Variants in SEPTIN4 observed in about 807,000 individuals in gnomAD.
SEPTIN4 encodes the protein septin-4.
Under a neutral mutation model 107.1 loss-of-function variants are expected in SEPTIN4, and 52 were observed. The ratio of observed to expected loss-of-function variants is 0.49; its 90% CI spans 0.39 to 0.61. SEPTIN4 has a LOEUF of 0.61. Among genes scored for constraint, SEPTIN4 ranks in the 20% least tolerant of loss-of-function variants. The pLI, the probability that SEPTIN4 is intolerant of heterozygous loss-of-function variation, is 0.00. For synonymous variants in SEPTIN4, 417 were observed against 467.0 expected (o/e 0.89, Z 1.38); for missense variants, 1,048 against 1,243.5 (o/e 0.84, Z 2.36).
At chr17:58,526,119 T>C in intron 5 of SEPTIN4, 101 bp downstream of exon 5, 1 of 1,197,034 alleles carries the variant, frequency 8.4e-7, no homozygotes, top group Middle Eastern at 3.8e-4. Context: ...AGCCACTCGC[T>C]GCTTGCTCCC....
At position 58,520,257 on chromosome 17, in the gene SEPTIN4, C is replaced by T. The variant is rs944696922; in HGVS notation, c.*169G>A. ...AAAATACACACAGGGACACCAGAAG[C>T]CACCTACAGATTTATTAAACTTTAT... is the stretch of plus-strand genomic sequence containing the variant. On this transcript the variant is annotated 3_prime_UTR_variant, in exon 14 of 14. Coordinates refer to ENST00000672673, the MANE Select transcript of SEPTIN4 (RefSeq NM_001368771.2). 6 of 621,374 alleles carry T rather than the reference C, an allele frequency of 9.7e-6. No individual in the cohort carries two copies. The highest frequency in any genetic ancestry group is 1.7e-5 in the Non-Finnish European group (6 of 348,840). 38.5% of individuals were successfully genotyped at this position (621,374 alleles called of 1,614,324 possible).
In SEPTIN4 at chr17:58,542,850, T is replaced by G. The variant is rs963607127; in HGVS notation, c.1337A>C (p.Asp446Ala). 1 of 1,614,010 alleles carries G rather than the reference T, an allele frequency of 6.2e-7. No homozygotes were observed. Among genetic ancestry groups the G allele is most frequent in the African/African-American group, 1.3e-5 (1 of 74,896 alleles). Residue 446 changes from aspartate (D) to alanine (A), a missense_variant, in exon 1 of 14, where the codon GAT becomes GCT. Around this residue, in one of 2 missense-constraint regions of SEPTIN4, gnomAD observed 787 missense variants for 871.8 expected, o/e 0.90. Coordinates refer to ENST00000672673, the MANE Select transcript of SEPTIN4 (RefSeq NM_001368771.2). ...GGAAGGAGAGCACTTAGGCTCAAAA[T>G]CCGGTGTTGTCAGCTGGCTTTGGGG... The part of the protein sequence containing the change: ...ETPQSQLTTP[D>A]FEPKCSPSLD...
At chr17:58,533,606 C>T (rs1274567517) in intron 3 of SEPTIN4, among the ~76,000 whole-genome samples, 2 of 151,990 alleles carry the variant, frequency 1.3e-5, no homozygotes, top group Non-Finnish European at 2.9e-5. Context: ...AGCTTGGGTT[C>T]CCTGAAAGGG....
In SEPTIN4 at chr17:58,526,867, T is replaced by C; in HGVS notation, c.1726A>G (p.Arg576Gly). 1.2e-6 allele frequency: 2 copies of C among 1,613,812 alleles called. No individual in the cohort carries two copies. Among genetic ancestry groups the C allele is most frequent in the South Asian group, 2.2e-5 (2 of 91,042 alleles). The change falls in exon 4 of 14, where the codon AGG becomes GGG. Residue 576 changes from arginine (R) to glycine (G), a missense_variant. Coordinates refer to ENST00000672673, the MANE Select transcript of SEPTIN4 (RefSeq NM_001368771.2). Reference sequence around the variant, plus strand: ...GGCCTTGGCTCCGGGACTTGGGGCCTGGATGCCCAGGTCTTAGCCTCTGGT... The same window carrying C: ...GGCCTTGGCTCCGGGACTTGGGGCCCGGATGCCCAGGTCTTAGCCTCTGGT... ...HPPEAKTWAS[R>G]PQVPEPRPQA...
chr17:58,538,224 T>C lies in SEPTIN4; in HGVS notation c.1614+2442A>G, dbSNP rs533044810. On this transcript the variant is annotated intron_variant, in intron 3 of 13. Transcript: ENST00000672673. The surrounding 1 kb of genome is among the most constrained non-coding windows in gnomAD (Gnocchi z 4.7). ...GTAAAGGAAGCCAACCTGAGCAAAA[T>C]GTCCCTGTGATTCAAAAGCCAACAG... Among the ~76,000 whole-genome samples the C allele has an allele frequency of 3.5e-4, 54 of 152,288 alleles. No homozygotes were observed. Among genetic ancestry groups the C allele is most frequent in the Admixed American group, 1.1e-3 (17 of 15,290 alleles).
chr17:58,525,571 C>A, intron 6 of SEPTIN4, 124 bp downstream of exon 6: 2 of 830,628 alleles, frequency 2.4e-6, no homozygotes, highest in South Asian at 1.6e-5. Context: ...CTATGGAGAG[C>A]TGCTGTCAGT....
intron 3 of SEPTIN4, chr17:58,531,960 C>T: frequency 8.7e-7 from 1 of 1,149,048 alleles, no homozygotes; most frequent in Non-Finnish European, 1.1e-6. Flanking sequence ...GCCTGCCTTA[C>T]CATGGCTGCA....
chr17:58,525,280 T>G (rs1250995210), intron 6 of SEPTIN4, 79 bp from the exon 7 acceptor site: 1 of 1,568,530 alleles, frequency 6.4e-7, no homozygotes, highest in Non-Finnish European at 8.6e-7. Context: ...CCAACCAGCC[T>G]TGTTGCTCAG....
intron 7 of SEPTIN4, among the ~76,000 whole-genome samples, chr17:58,523,861 T>C (rs1307307294): frequency 6.6e-6 from 1 of 152,128 alleles, no homozygotes; most frequent in Non-Finnish European, 1.5e-5. Context: ...ATGCATCATG[T>C]TGGGTGATGT....
Position 58,542,895 on chromosome 17 carries a change from A to T in SEPTIN4, c.1292T>A (p.Leu431Gln), listed in dbSNP as rs561112616. Residue 431 changes from leucine (L) to glutamine (Q), a missense_variant, in exon 1 of 14, where the codon CTG becomes CAG. Around this residue, in one of 2 missense-constraint regions of SEPTIN4, gnomAD observed 787 missense variants for 871.8 expected, o/e 0.90. Transcript: ENST00000672673. ...TTGGGGTGTTTCAACTTCAGGATTC[A>T]GCAAGGGCCACCATGAGGAGTCAGG... is the stretch of plus-strand genomic sequence containing the variant. ...YGPDSSWWPL[L>Q]NPEVETPQSQ... 3 of 1,614,204 alleles carry T rather than the reference A, an allele frequency of 1.9e-6. No homozygotes were observed. The South Asian group carries it at 3.3e-5, about 18-fold the overall frequency.
At chr17:58,536,614 G>T (rs2043721045) in intron 3 of SEPTIN4, among the ~76,000 whole-genome samples, 1 of 152,126 alleles carries the variant, frequency 6.6e-6, no homozygotes, top group Admixed American at 6.5e-5. Context: ...GCCGGCAGTG[G>T]GTGTGCCAAG....
chr17:58,535,951 C>T (rs961805666), intron 3 of SEPTIN4, among the ~76,000 whole-genome samples: 2 of 152,220 alleles, frequency 1.3e-5, no homozygotes, highest in African/African-American at 4.8e-5. Context: ...TGCCCTTCAT[C>T]CTGGCTGCTC....
chr17:58,524,916 C>CT lies in SEPTIN4; in HGVS notation c.2216+161dup. The CT allele has an allele frequency of 7.3e-6, 6 of 827,434 alleles. No homozygotes were observed. The East Asian group carries it at 1.5e-4, about 21-fold the overall frequency. The allele number at this position is 827,434 out of a possible 1,614,324, so 51.3% of individuals were successfully genotyped here. ...ATCTATTCCAATCCTTTCCCTCTTA[C>CT]TTTATAAAGGAGGAGATGGCTGTCC... is the stretch of plus-strand genomic sequence containing the variant. On this transcript the variant is annotated intron_variant, in intron 7 of 13. Coordinates refer to ENST00000672673, the MANE Select transcript of SEPTIN4 (RefSeq NM_001368771.2).
At chr17:58,523,369 C>CA (rs375194184) in intron 7 of SEPTIN4, among the ~76,000 whole-genome samples, 15,549 of 95,288 alleles carry the variant, frequency 0.16, 1,374 homozygotes, top group East Asian at 0.39. Flanking sequence ...GAACCAGTCT[C>CA]AAAAAAAAAA....
intron 3 of SEPTIN4, chr17:58,529,432 C>A: frequency 7.2e-7 from 1 of 1,383,924 alleles, no homozygotes; most frequent in Non-Finnish European, 9.4e-7. Flanking sequence ...GCAGCAGGAT[C>A]ACTTGGTTCC....
In SEPTIN4 at chr17:58,520,772, C is replaced by A; in HGVS notation, c.2902G>T (p.Glu968Ter). ...TCATCTTTCTCTCGGATAAGCTTCT[C>A]AGTTTCTGGATCTGTCCCTGGTGGG... is the stretch of plus-strand genomic sequence containing the variant. The part of the protein sequence containing the change: ...AVPPGTDPET[E>*]KLIREKDEEL... Residue 968 changes from glutamate (E) to a stop codon, truncating the protein, a stop_gained, in exon 13 of 14, where the codon GAG (glutamate) becomes TAG (stop). Transcript: ENST00000672673. LOFTEE classifies it high-confidence loss of function. 1 of 1,614,176 alleles carries A rather than the reference C, an allele frequency of 6.2e-7. No individual in the cohort carries two copies. The highest frequency in any genetic ancestry group is 1.1e-5 in the South Asian group (1 of 91,058).
intron 3 of SEPTIN4, chr17:58,529,161 A>T: frequency 6.2e-7 from 1 of 1,614,202 alleles, no homozygotes; most frequent in Non-Finnish European, 8.5e-7. Context: ...TTGCCATCCC[A>T]GTGAACGGTC....
In SEPTIN4 at chr17:58,526,777, C is replaced by T. The variant is rs1216760678; in HGVS notation, c.1816G>A (p.Asp606Asn). Reference sequence around the variant, plus strand: ...GGGGCACAGAAGTACTGCTGGTTGTCAGAGGACTGGGGCCGCGAGGGGGGT... The same window carrying T: ...GGGGCACAGAAGTACTGCTGGTTGTTAGAGGACTGGGGCCGCGAGGGGGGT... ...FRPPSRPQSS[D>N]NQQYFCAPAP... is the part of the protein sequence containing the mutation. The change falls in exon 4 of 14, where the codon GAC (aspartate) becomes AAC (asparagine). Residue 606 changes from aspartate (D) to asparagine (N), a missense_variant. Asp to Asn is a conservative substitution (Grantham distance 23). Around this residue, in one of 2 missense-constraint regions of SEPTIN4, gnomAD observed 787 missense variants for 871.8 expected, o/e 0.90. Transcript: ENST00000672673. The T allele has an allele frequency of 6.2e-7, 1 of 1,613,782 alleles. No homozygotes were observed. The highest frequency in any genetic ancestry group is 1.3e-5 in the African/African-American group (1 of 74,992).
In SEPTIN4 at chr17:58,531,895, C is replaced by T. The variant is rs770970491; in HGVS notation, c.1615-4917G>A. ...TGCCGCGGGTCCCCTTGCAGCCGCC[C>T]GGGAGCGACCGGCCCTGCGCACCCC... On this transcript the variant is annotated intron_variant, in intron 3 of 13. Transcript: ENST00000672673. The T allele has an allele frequency of 6.3e-6, 7 of 1,118,234 alleles. No homozygotes were observed. The African/African-American group carries it at 8.3e-5, about 13-fold the overall frequency. 69.3% of individuals were successfully genotyped at this position (1,118,234 alleles called of 1,614,324 possible).
Sources: gnomAD v4.1 joint callset for allele counts (sites outside exome capture counted in the v4.1 genomes callset) on GRCh38, gnomAD v4.1.1 for gene constraint, gnomAD v4.1.1 regional missense constraint, Gnocchi (gnomAD v3.1) non-coding constraint, MANE v1.5 for transcripts, NCBI Gene and HGNC (gene_info 2026-07-23, HGNC 2026-07-21) for gene names.